The following PLXDC2 variants were observed in gnomAD, a reference collection of about 807,000 sequenced individuals.
PLXDC2 encodes the protein plexin domain-containing protein 2.
PLXDC2 carries 40 observed loss-of-function variants against 68.9 expected under a neutral mutation model. The ratio of observed to expected loss-of-function variants is 0.58; its 90% CI spans 0.45 to 0.76. PLXDC2 has a LOEUF of 0.76. PLXDC2 is among the 30% of genes least tolerant of loss of function. The probability of loss-of-function intolerance (pLI) is 0.00; values close to 1 mark genes in which losing one functional copy is unlikely to be tolerated. For synonymous variants in PLXDC2, 243 were observed against 234.2 expected (o/e 1.04, Z -0.34); for missense variants, 644 against 661.9 (o/e 0.97, Z 0.30).
At chr10:20,143,186 C>A in intron 4 of PLXDC2, 109 bp from the exon 5 acceptor site, 2 of 1,158,084 alleles carry the variant, frequency 1.7e-6, no homozygotes, top group South Asian at 1.8e-5. Context: ...TTCCAGCTAC[C>A]ATGACATTTT....
intron 6 of PLXDC2, among the ~76,000 whole-genome samples, chr10:20,157,396 T>G (rs1481872147): frequency 6.6e-6 from 1 of 152,242 alleles, no homozygotes; most frequent in Non-Finnish European, 1.5e-5. Context: ...TGAGATACTG[T>G]GCTGCCTACT....
intron 4 of PLXDC2, among the ~76,000 whole-genome samples, chr10:20,079,448 G>A (rs543832295): frequency 2.0e-5 from 3 of 152,206 alleles, no homozygotes; most frequent in African/African-American, 7.2e-5. Flanking sequence ...ACAGTGTGGC[G>A]ATTCCAAAGG....
chr10:20,194,430 T>C (rs1834810657), intron 9 of PLXDC2, among the ~76,000 whole-genome samples: 1 of 151,946 alleles, frequency 6.6e-6, no homozygotes, highest in Non-Finnish European at 1.5e-5. Flanking sequence ...ATAATGTTTT[T>C]TGGTCAAAAT....
At chr10:20,033,292 A>G (rs564125004) in intron 2 of PLXDC2, among the ~76,000 whole-genome samples, 4 of 152,290 alleles carry the variant, frequency 2.6e-5, no homozygotes, top group African/African-American at 9.6e-5. Context: ...GCAGTGGATT[A>G]AAGATGGAGA....
chr10:19,857,521 A>G (rs940601989), intron 1 of PLXDC2, among the ~76,000 whole-genome samples: 5 of 152,246 alleles, frequency 3.3e-5, no homozygotes, highest in Non-Finnish European at 5.9e-5. Context: ...TTTAGAAGAT[A>G]TCTAGAAAAG....
At chr10:20,020,882 C>G (rs1280615852) in intron 2 of PLXDC2, among the ~76,000 whole-genome samples, 6 of 152,078 alleles carry the variant, frequency 3.9e-5, no homozygotes, top group African/African-American at 1.4e-4. Context: ...GAGCTCTGAC[C>G]CAGGTAAAAG....
chr10:19,897,132 A>G (rs1410693006), intron 1 of PLXDC2, among the ~76,000 whole-genome samples: 1 of 152,086 alleles, frequency 6.6e-6, no homozygotes, highest in Non-Finnish European at 1.5e-5. Context: ...CTGTGAGTAC[A>G]CGACTCATCT....
chr10:19,820,790 G>T (rs1836454025), intron 1 of PLXDC2, among the ~76,000 whole-genome samples: 1 of 151,842 alleles, frequency 6.6e-6, no homozygotes, highest in Non-Finnish European at 1.5e-5. Flanking sequence ...AAAGTCTTCA[G>T]CTGCAGGCTG....
intron 1 of PLXDC2, among the ~76,000 whole-genome samples, chr10:19,903,542 T>A (rs74887957): frequency 6.6e-6 from 1 of 152,036 alleles, no homozygotes; most frequent in South Asian, 2.1e-4. Context: ...TCGTTTCTAA[T>A]TGAGCTTATT....
At chr10:20,243,561 A>AT (rs1178805387) in intron 12 of PLXDC2, among the ~76,000 whole-genome samples, 1 of 152,202 alleles carries the variant, frequency 6.6e-6, no homozygotes, top group Non-Finnish European at 1.5e-5. Flanking sequence ...GGAAAGAATT[A>AT]GGAGGTCATA....
At chr10:20,215,479 C>G (rs66541461) in intron 10 of PLXDC2, among the ~76,000 whole-genome samples, 76,415 of 151,636 alleles carry the variant, frequency 0.5, 20,056 homozygotes, top group Non-Finnish European at 0.59. Context: ...GGCAGTCCCT[C>G]TTCTGGGACT....
At chr10:19,828,933 C>A (rs892860192) in intron 1 of PLXDC2, among the ~76,000 whole-genome samples, 6 of 152,120 alleles carry the variant, frequency 3.9e-5, no homozygotes, top group Non-Finnish European at 7.3e-5. Flanking sequence ...CTTCATTCCA[C>A]AGCCAGAAAG....
chr10:20,096,154 G>A lies in PLXDC2; in HGVS notation c.541+27915G>A, dbSNP rs187669684. Reference sequence around the variant, plus strand: ...CTTAGCTGGAATAAAAGGAGGGCACGGTGTGACCTTTCAAAGGTCTTTCCA... The same window carrying A: ...CTTAGCTGGAATAAAAGGAGGGCACAGTGTGACCTTTCAAAGGTCTTTCCA... On this transcript the variant is annotated intron_variant, in intron 4 of 13. Coordinates refer to ENST00000377252, the MANE Select transcript of PLXDC2 (RefSeq NM_032812.9). 2.4e-4 allele frequency among the ~76,000 whole-genome samples: 36 copies of A among 152,196 alleles called. No homozygotes were observed. The East Asian group carries it at 5.4e-3, about 23-fold the overall frequency.
chr10:19,918,754 G>A (rs921952588), intron 1 of PLXDC2, among the ~76,000 whole-genome samples: 1 of 152,152 alleles, frequency 6.6e-6, no homozygotes, highest in African/African-American at 2.4e-5. Flanking sequence ...GCTTGATTAT[G>A]GAAGATTTTC....
intron 1 of PLXDC2, among the ~76,000 whole-genome samples, chr10:19,835,278 G>A (rs113137445): frequency 2.6e-5 from 4 of 152,160 alleles, no homozygotes; most frequent in African/African-American, 9.7e-5. Flanking sequence ...TCTTCAAAGG[G>A]TCTCTCTAGT....
At chr10:19,867,223 G>A (rs546833901) in intron 1 of PLXDC2, among the ~76,000 whole-genome samples, 25 of 151,990 alleles carry the variant, frequency 1.6e-4, no homozygotes, top group African/African-American at 1.4e-4. Flanking sequence ...CCACCACCAC[G>A]CCCAGCTAAT....
chr10:20,119,308 C>A (rs1010819650), intron 4 of PLXDC2, among the ~76,000 whole-genome samples: 4 of 149,464 alleles, frequency 2.7e-5, no homozygotes, highest in Admixed American at 2.0e-4. Context: ...AGAGAGTCAG[C>A]GAAGGGAGAT....
At chr10:20,015,494 A>G (rs1835195466) in intron 2 of PLXDC2, among the ~76,000 whole-genome samples, 2 of 152,126 alleles carry the variant, frequency 1.3e-5, no homozygotes, top group Non-Finnish European at 1.5e-5. Flanking sequence ...GCCCTTGTAC[A>G]TGATACTTAT....
intron 1 of PLXDC2, among the ~76,000 whole-genome samples, chr10:19,936,724 G>T (rs1253404108): frequency 6.6e-6 from 1 of 152,138 alleles, no homozygotes; most frequent in Non-Finnish European, 1.5e-5. Context: ...CAAGGAAATT[G>T]TCAAATGTCA....
Sources: allele counts gnomAD v4.1 joint callset (sites outside exome capture counted in the v4.1 genomes callset), GRCh38; gene constraint gnomAD v4.1.1; transcripts MANE v1.5; gene names NCBI Gene and HGNC (gene_info 2026-07-23, HGNC 2026-07-21).